MAPK8IP3: variants seen among roughly 807,000 people sequenced by gnomAD.
The protein encoded by MAPK8IP3 is C-Jun-amino-terminal kinase-interacting protein 3.
Under a neutral mutation model 157.8 loss-of-function variants are expected in MAPK8IP3, and 49 were observed. The ratio of observed to expected loss-of-function variants is 0.31; its 90% CI spans 0.25 to 0.39. The LOEUF (loss-of-function observed/expected upper bound fraction) is 0.39, where lower values mean the gene tolerates loss of function less well. Among genes scored for constraint, MAPK8IP3 ranks in the 10% least tolerant of loss-of-function variants. MAPK8IP3 has a pLI of 1.00. For missense variants in MAPK8IP3, 1,478 were observed against 1,889.4 expected (o/e 0.78, Z 4.04); for synonymous variants, 897 against 777.7 (o/e 1.15, Z -2.55).
rs144177647 is a variant in MAPK8IP3, at chr16:1,726,710, T to C, written c.439+2033T>C. ...CAAATTACAGGCTGAGGCTGTTCAC[T>C]GGGCCAGCACCAGGAGTTGGGGCCA... On this transcript the variant is annotated intron_variant, in intron 2 of 31. Transcript: ENST00000610761. Among the ~76,000 whole-genome samples, 509 of 152,300 alleles carry C rather than the reference T, an allele frequency of 3.3e-3. 1 individual carries two copies. Among genetic ancestry groups the C allele is most frequent in the African/African-American group, 0.011 (468 of 41,572 alleles).
At chr16:1,744,158 T>C in intron 5 of MAPK8IP3, 1 of 985,668 alleles carries the variant, frequency 1.0e-6, no homozygotes, top group Non-Finnish European at 1.2e-6. Context: ...GCTGCCAGTT[T>C]TGGCCTGTGA....
chr16:1,729,718 A>C (rs952909651), intron 4 of MAPK8IP3, 140 bp downstream of exon 4: 4 of 812,168 alleles, frequency 4.9e-6, no homozygotes, highest in Non-Finnish European at 8.0e-6. Context: ...CTGGAGACCC[A>C]GGAGGAGGGA....
intron 4 of MAPK8IP3, among the ~76,000 whole-genome samples, chr16:1,730,957 C>T (rs11867045): frequency 0.16 from 24,099 of 151,396 alleles, 2,861 homozygotes; most frequent in African/African-American, 0.34. Context: ...CTGGCCAACA[C>T]GGTGAAACCC....
Position 1,736,911 on chromosome 16 carries a change from T to A in MAPK8IP3, c.603-6421T>A, listed in dbSNP as rs201497129. Among the ~76,000 whole-genome samples the A allele has an allele frequency of 1.4e-3, 50 of 35,066 alleles. 9 individuals are homozygous for A. The highest frequency in any genetic ancestry group is 6.2e-3 in the African/African-American group (45 of 7,282). 23.0% of individuals were successfully genotyped at this position (35,066 alleles called of 152,430 possible). A position where few individuals can be genotyped will look rare whatever the true frequency, so the allele number is the denominator to read the frequency against. ...GACCGTCCGTGTGTGACCGTCTGTG[T>A]GAGTGACCATCCATGTGAGCATCCG... On this transcript the variant is annotated intron_variant, in intron 4 of 31. Transcript: ENST00000610761.
At chr16:1,732,332 G>A (rs975208399) in intron 4 of MAPK8IP3, among the ~76,000 whole-genome samples, 4 of 152,220 alleles carry the variant, frequency 2.6e-5, no homozygotes, top group Non-Finnish European at 4.4e-5. Context: ...GGCCAGCTGC[G>A]AAAGCTGCAT....
At chr16:1,715,045 T>C (rs1483741455) in intron 1 of MAPK8IP3, among the ~76,000 whole-genome samples, 1 of 152,130 alleles carries the variant, frequency 6.6e-6, no homozygotes, top group Non-Finnish European at 1.5e-5. Flanking sequence ...AATACAAATG[T>C]ATATGTACTA....
intron 10 of MAPK8IP3, 93 bp from the exon 11 acceptor site, chr16:1,759,865 T>G: frequency 1.7e-6 from 2 of 1,144,168 alleles, no homozygotes; most frequent in Non-Finnish European, 2.6e-6. Flanking sequence ...CAGGCTACCC[T>G]CTTTGGAAGC....
Position 1,766,788 on chromosome 16 carries a change from C to A in MAPK8IP3, c.3005C>A (p.Ser1002Tyr). 1 of 1,612,794 alleles carries A rather than the reference C, an allele frequency of 6.2e-7. No individual in the cohort carries two copies. Among genetic ancestry groups the A allele is most frequent in the Non-Finnish European group, 8.5e-7 (1 of 1,179,942 alleles). The change falls in exon 24 of 32, where the codon TCT becomes TAT. Residue 1002 changes from serine to tyrosine, a missense_variant. Ser to Tyr is a moderately radical substitution (Grantham distance 144). Around this residue, in one of 11 missense-constraint regions of MAPK8IP3, gnomAD observed 669 missense variants for 759.8 expected, o/e 0.88. Coordinates refer to ENST00000610761, the MANE Select transcript of MAPK8IP3 (RefSeq NM_001318852.2). The part of the protein sequence containing the change: ...KCLHSIKLKD[S>Y]VLSLVHVKGR... ...CTGCACTCCATCAAGCTGAAGGATTCTGTGCTGAGCCTGGTGTGGGTGACC... is the reference window on the plus strand; with the variant it reads ...CTGCACTCCATCAAGCTGAAGGATTATGTGCTGAGCCTGGTGTGGGTGACC...
rs766702966 is a variant in MAPK8IP3, at chr16:1,766,138, G to T, written c.2625G>T (p.Gly875=). 1.2e-6 allele frequency: 2 copies of T among 1,609,768 alleles called. No homozygotes were observed. Among genetic ancestry groups the T allele is most frequent in the Non-Finnish European group, 1.7e-6 (2 of 1,177,874 alleles). ...SRGDTPVLDK[G]QGEVATIANG... Reference sequence around the variant, plus strand: ...GGGACACCCCAGTGCTAGACAAGGGGCAGGGTGAGTCCTGGGCGAGTTTCC... The same window carrying T: ...GGGACACCCCAGTGCTAGACAAGGGTCAGGGTGAGTCCTGGGCGAGTTTCC... The change falls in exon 21 of 32, where the codon GGG becomes GGT. Residue 875 remains glycine, a synonymous_variant. Transcript: ENST00000610761.
intron 8 of MAPK8IP3, chr16:1,752,562 G>A: frequency 3.0e-6 from 1 of 329,708 alleles, no homozygotes; most frequent in Non-Finnish European, 6.1e-6. Flanking sequence ...GGTCAACATA[G>A]CGAGACCCCA....
At chr16:1,735,435 G>A (rs1463517454) in intron 4 of MAPK8IP3, among the ~76,000 whole-genome samples, 3 of 149,796 alleles carry the variant, frequency 2.0e-5, no homozygotes, top group Admixed American at 2.0e-4. Context: ...CCATCCGTGT[G>A]AGCATCCGTG....
chr16:1,740,799 C>T (rs992960282), intron 4 of MAPK8IP3, among the ~76,000 whole-genome samples: 3 of 152,236 alleles, frequency 2.0e-5, no homozygotes, highest in South Asian at 4.1e-4. Context: ...CAGCCCAGGG[C>T]GGCTGCTTGG....
chr16:1,726,915 G>A (rs534512748), intron 2 of MAPK8IP3, among the ~76,000 whole-genome samples: 1 of 152,370 alleles, frequency 6.6e-6, no homozygotes, highest in African/African-American at 2.4e-5. Context: ...CCCTCCTGCA[G>A]CAGCCAGTTA....
Position 1,767,591 on chromosome 16 carries a change from G to T in MAPK8IP3, c.3265G>T (p.Glu1089Ter). ...EKSFDAHPRR[E>*]SQVRQLAWIG... ...GTCATTTGACGCCCACCCGCGGCGGGAGAGCCAGGTGCGGCAGCTGGCGTG... is the reference window on the plus strand; with the variant it reads ...GTCATTTGACGCCCACCCGCGGCGGTAGAGCCAGGTGCGGCAGCTGGCGTG... The change falls in exon 27 of 32, where the codon GAG becomes TAG. Residue 1089 changes from glutamate to a stop codon, truncating the protein, a stop_gained. Transcript: ENST00000610761. LOFTEE classifies it high-confidence loss of function. The T allele has an allele frequency of 6.2e-7, 1 of 1,612,336 alleles. No individual in the cohort carries two copies. The highest frequency in any genetic ancestry group is 8.5e-7 in the Non-Finnish European group (1 of 1,179,848).
In MAPK8IP3 at chr16:1,742,423, C is replaced by T. The variant is rs2040738482; in HGVS notation, c.603-909C>T. ...GCCAGGCTGTCCCAGGGTCCGTCTTCAGGTTCGGGGCTCCCTGACAGCAGA... is the reference window on the plus strand; with the variant it reads ...GCCAGGCTGTCCCAGGGTCCGTCTTTAGGTTCGGGGCTCCCTGACAGCAGA... On this transcript the variant is annotated intron_variant, in intron 4 of 31. Coordinates refer to ENST00000610761, the MANE Select transcript of MAPK8IP3 (RefSeq NM_001318852.2). The surrounding 1 kb of genome is among the most constrained non-coding windows in gnomAD (Gnocchi z 5.0). Among the ~76,000 whole-genome samples, 2 of 152,330 alleles carry T rather than the reference C, an allele frequency of 1.3e-5. No individual in the cohort carries two copies. The highest frequency in any genetic ancestry group is 6.5e-5 in the Admixed American group (1 of 15,304).
At chr16:1,729,063 C>T (rs2039109867) in intron 2 of MAPK8IP3, 75 bp from the exon 3 acceptor site, 2 of 1,417,384 alleles carry the variant, frequency 1.4e-6, no homozygotes, top group South Asian at 1.2e-5. Context: ...CCCCCTCCCT[C>T]TGTGGTTACA....
At position 1,747,361 on chromosome 16, in the gene MAPK8IP3, G is replaced by A. The variant is rs374957654; in HGVS notation, c.994+86G>A. 4,337 of 1,529,088 alleles carry A rather than the reference G, an allele frequency of 2.8e-3. 122 individuals are homozygous for A. In the South Asian group the frequency reaches 0.05, roughly 18 times the overall value. The allele number at this position is 1,529,088 out of a possible 1,614,324, so 94.7% of individuals were successfully genotyped here. On this transcript the variant is annotated intron_variant, in intron 6 of 31. Coordinates refer to ENST00000610761, the MANE Select transcript of MAPK8IP3 (RefSeq NM_001318852.2). ...TAGATGTGAAACTAATGCACCAGGC[G>A]GGCAGTGCAGGCAGCAGAGACGTGT...
At position 1,764,226 on chromosome 16, in the gene MAPK8IP3, C is replaced by T; in HGVS notation, c.2121+16C>T. The T allele has an allele frequency of 6.2e-7, 1 of 1,607,786 alleles. No individual in the cohort carries two copies. The highest frequency in any genetic ancestry group is 8.5e-7 in the Non-Finnish European group (1 of 1,177,514). ...CACCATGAAGGTGAGCCCGCGAGGA[C>T]CCCGCTCAGGCTGGCTGGGCGAGCG... On this transcript the variant is annotated intron_variant, in intron 18 of 31. Coordinates refer to ENST00000610761, the MANE Select transcript of MAPK8IP3 (RefSeq NM_001318852.2).
rs1196940695 is a variant in MAPK8IP3 at position 1,737,519 on chromosome 16, CGT to C, written c.603-5809_603-5808del. On this transcript the variant is annotated intron_variant, in intron 4 of 31. Transcript: ENST00000610761. ...GCGTCCGTGTGAGCGTGTGACCGTC[CGT>C]GTGAGTGTGTGACCATTCGTGTGAG... 5.7e-4 allele frequency among the ~76,000 whole-genome samples: 43 copies of C among 75,746 alleles called. 1 individual carries two copies. Among genetic ancestry groups the C allele is most frequent in the Admixed American group, 1.5e-3 (9 of 6,090 alleles). 49.7% of individuals were successfully genotyped at this position (75,746 alleles called of 152,430 possible).
Sources: allele counts gnomAD v4.1 joint callset (sites outside exome capture counted in the v4.1 genomes callset), GRCh38; gene constraint gnomAD v4.1.1; regional missense constraint gnomAD v4.1.1; non-coding constraint Gnocchi (gnomAD v3.1); transcripts MANE v1.5; gene names NCBI Gene and HGNC (gene_info 2026-07-23, HGNC 2026-07-21).